The following TBC1D16 variants were observed in gnomAD, a reference collection of about 807,000 sequenced individuals.
TBC1D16 encodes CTD-2529O21.1.
TBC1D16 carries 58 observed loss-of-function variants against 74.7 expected under a neutral mutation model. That is an observed-to-expected ratio of 0.78 (90% CI 0.63 to 0.97). TBC1D16 has a LOEUF of 0.97. Ranked by LOEUF, TBC1D16 falls within the 50% of genes least tolerant of loss-of-function variation. TBC1D16 has a pLI of 0.00. For missense variants in TBC1D16, 1,014 were observed against 1,079.5 expected, an observed-to-expected ratio of 0.94 and a Z score of 0.85; for synonymous variants, 493 against 474.7, an observed-to-expected ratio of 1.04 and a Z score of -0.50.
chr17:79,985,567 C>T lies in TBC1D16; in HGVS notation c.779+24593G>A, dbSNP rs898828776. On this transcript the variant is annotated intron_variant, in intron 3 of 11. Transcript: ENST00000310924. The surrounding 1 kb of genome is among the most constrained non-coding windows in gnomAD (Gnocchi z 4.9). ...TCAGCGGGCACTGGCCTGGCACTCACGCTCGGGGTGGGGGGCATCCCAGGC... is the reference window on the plus strand; with the variant it reads ...TCAGCGGGCACTGGCCTGGCACTCATGCTCGGGGTGGGGGGCATCCCAGGC... 6.6e-5 allele frequency among the ~76,000 whole-genome samples: 10 copies of T among 152,338 alleles called. 1 individual carries two copies. The highest frequency in any genetic ancestry group is 2.2e-4 in the African/African-American group (9 of 41,580).
At chr17:79,948,593 A>C (rs59182344) in intron 8 of TBC1D16, among the ~76,000 whole-genome samples, 5,922 of 152,180 alleles carry the variant, frequency 0.039, 324 homozygotes, top group African/African-American at 0.13. Context: ...AAGCTGGTCC[A>C]TGGTTAGTGT....
chr17:79,937,981 A>G lies in TBC1D16; in HGVS notation c.*2878T>C, dbSNP rs57314850. Reference sequence around the variant, plus strand: ...ATAACATTAAGTGTCATTTTAAAAAATGGGTTAAATAAGCAGCATTGCTGA... The same window carrying G: ...ATAACATTAAGTGTCATTTTAAAAAGTGGGTTAAATAAGCAGCATTGCTGA... On this transcript the variant is annotated 3_prime_UTR_variant, in exon 12 of 12. Coordinates refer to ENST00000310924, the MANE Select transcript of TBC1D16 (RefSeq NM_019020.4). The G allele has an allele frequency of 5.3e-5, 8 of 152,270 alleles. No individual in the cohort carries two copies. The highest frequency in any genetic ancestry group is 1.7e-4 in the African/African-American group (7 of 41,476). 9.4% of individuals were successfully genotyped at this position (152,270 alleles called of 1,614,324 possible). A position where few individuals can be genotyped will look rare whatever the true frequency, so the allele number is the denominator to read the frequency against.
intron 1 of TBC1D16, among the ~76,000 whole-genome samples, chr17:80,016,378 T>C (rs1469132955): frequency 6.6e-6 from 1 of 152,176 alleles, no homozygotes; most frequent in Non-Finnish European, 1.5e-5. Flanking sequence ...TCAATGCCGC[T>C]GAACCTGATA....
chr17:80,010,318 C>T lies in TBC1D16; in HGVS notation c.621G>A (p.Gly207=). ...EEGREPRPEA[G]EEDGSLELSA... is the part of the protein sequence containing the mutation. ...ACAGTTCCAAAGAGCCATCCTCCTC[C>T]CCGGCCTCGGGCCGCGGCTCCCGCC... Residue 207 remains glycine (G), a synonymous_variant, in exon 3 of 12, where the codon GGG becomes GGA. Transcript: ENST00000310924. The surrounding 1 kb of genome is among the most constrained non-coding windows in gnomAD (Gnocchi z 8.8). The T allele has an allele frequency of 2.5e-6, 4 of 1,611,714 alleles. No homozygotes were observed. Among genetic ancestry groups the T allele is most frequent in the Non-Finnish European group, 3.4e-6 (4 of 1,179,134 alleles).
At chr17:79,953,343 AC>A (rs148795711) in intron 3 of TBC1D16, among the ~76,000 whole-genome samples, 211 of 152,364 alleles carry the variant, frequency 1.4e-3, no homozygotes, top group Admixed American at 9.6e-3. Context: ...TGGTTAGGAA[AC>A]ATTTGGGTTC....
At position 79,948,857 on chromosome 17, in the gene TBC1D16, C is replaced by CT; in HGVS notation, c.1541+14dup. The CT allele has an allele frequency of 2.5e-6, 4 of 1,613,918 alleles. No homozygotes were observed. Among genetic ancestry groups the CT allele is most frequent in the Non-Finnish European group, 2.5e-6 (3 of 1,179,866 alleles). On this transcript the variant is annotated intron_variant, in intron 8 of 11. Coordinates refer to ENST00000310924, the MANE Select transcript of TBC1D16 (RefSeq NM_019020.4). Reference sequence around the variant, plus strand: ...GACTTGCAGATGGGAAAGGAGCTGGCTGGGGAGGGAGTACCTCATGCTCTC... The same window carrying CT: ...GACTTGCAGATGGGAAAGGAGCTGGCTTGGGGAGGGAGTACCTCATGCTCTC...
Position 79,961,440 on chromosome 17 carries a change from A to C in TBC1D16, c.780-8622T>G, listed in dbSNP as rs944891491. The stretch of plus-strand genomic sequence containing the variant: ...ACCACTTTAGGAAAGCAGTTCAGTA[A>C]TTTCTTAAAAATTAAACACATGCCT... On this transcript the variant is annotated intron_variant, in intron 3 of 11. Coordinates refer to ENST00000310924, the MANE Select transcript of TBC1D16 (RefSeq NM_019020.4). This position sits in a 1 kb window ranked among gnomAD's most constrained non-coding sequence, Gnocchi z 4.8. Among the ~76,000 whole-genome samples, 6 of 152,256 alleles carry C rather than the reference A, an allele frequency of 3.9e-5. No homozygotes were observed. The highest frequency in any genetic ancestry group is 7.3e-5 in the Non-Finnish European group (5 of 68,050).
rs944701912 is a variant in TBC1D16 at position 79,990,847 on chromosome 17, C to T, written c.779+19313G>A. Among the ~76,000 whole-genome samples the T allele has an allele frequency of 6.6e-6, 1 of 152,186 alleles. No homozygotes were observed. Among genetic ancestry groups the T allele is most frequent in the Non-Finnish European group, 1.5e-5 (1 of 68,038 alleles). On this transcript the variant is annotated intron_variant, in intron 3 of 11. Transcript: ENST00000310924. This position sits in a 1 kb window ranked among gnomAD's most constrained non-coding sequence, Gnocchi z 4.8. Reference sequence around the variant, plus strand: ...ACAAGTGGAATCACACAGATTTGGCCCCTTATGTCTGGCTCATTTCACTCG... The same window carrying T: ...ACAAGTGGAATCACACAGATTTGGCTCCTTATGTCTGGCTCATTTCACTCG...
intron 3 of TBC1D16, among the ~76,000 whole-genome samples, chr17:79,972,333 C>T (rs930360645): frequency 6.6e-6 from 1 of 152,128 alleles, no homozygotes; most frequent in Middle Eastern, 3.2e-3. Context: ...TGTACTACCA[C>T]ACCTGGCTAA....
rs757540371 is a variant in TBC1D16, at chr17:79,941,135, G to A, written c.2056-28C>T. On this transcript the variant is annotated intron_variant, in intron 11 of 11. Transcript: ENST00000310924. The surrounding 1 kb of genome is among the most constrained non-coding windows in gnomAD (Gnocchi z 4.3). Reference sequence around the variant, plus strand: ...GCAGACAGAGGACGGGGGGTGAGGAGGGGCCGGGGGACAGCCTGGCAGCCT... The same window carrying A: ...GCAGACAGAGGACGGGGGGTGAGGAAGGGCCGGGGGACAGCCTGGCAGCCT... 6.5e-6 allele frequency: 10 copies of A among 1,532,320 alleles called. No homozygotes were observed. Among genetic ancestry groups the A allele is most frequent in the Non-Finnish European group, 8.8e-6 (10 of 1,130,550 alleles). The allele number at this position is 1,532,320 out of a possible 1,614,324, so 94.9% of individuals were successfully genotyped here.
At chr17:79,977,497 T>G (rs577792120) in intron 3 of TBC1D16, among the ~76,000 whole-genome samples, 2 of 152,258 alleles carry the variant, frequency 1.3e-5, no homozygotes, top group African/African-American at 2.4e-5. Flanking sequence ...CAGCCATCTC[T>G]GCAACCCTTG....
chr17:80,023,989 C>CGAGGTTGGAGGACCA, intron 1 of TBC1D16: 1 of 150,304 alleles, frequency 6.7e-6, no homozygotes, highest in East Asian at 1.9e-4. Flanking sequence ...CCCTCCAGGA[C>CGAGGTTGGAGGACCA]GAGGTTGGAG....
rs1044897815 is a variant in TBC1D16 at position 79,972,061 on chromosome 17, T to C, written c.780-19243A>G. Among the ~76,000 whole-genome samples the C allele has an allele frequency of 5.3e-5, 8 of 152,160 alleles. 1 individual carries two copies. Among genetic ancestry groups the C allele is most frequent in the Non-Finnish European group, 8.8e-5 (6 of 68,020 alleles). On this transcript the variant is annotated intron_variant, in intron 3 of 11. Transcript: ENST00000310924. The stretch of plus-strand genomic sequence containing the variant: ...GTACCCCGTGTTCACAGCAGCATCA[T>C]TCATGATGGCCAGAGGCTGAAGCAG...
intron 3 of TBC1D16, among the ~76,000 whole-genome samples, chr17:79,965,283 T>C (rs765672242): frequency 6.6e-6 from 1 of 152,106 alleles, no homozygotes; most frequent in African/African-American, 2.4e-5. Context: ...GGTTTCACCA[T>C]GTTGGCCAGG....
At chr17:79,949,209 TCA>T (rs1179425752) in intron 7 of TBC1D16, among the ~76,000 whole-genome samples, 3 of 152,242 alleles carry the variant, frequency 2.0e-5, no homozygotes, top group African/African-American at 7.2e-5. Flanking sequence ...TAACTCAGCC[TCA>T]CAGTCTCCAG....
At chr17:80,023,962 G>C (rs2036385749) in intron 1 of TBC1D16, 1 of 150,406 alleles carries the variant, frequency 6.6e-6, no homozygotes, top group East Asian at 1.9e-4. Flanking sequence ...GAGCTCCGGC[G>C]GACAGGGCTC....
Position 79,948,185 on chromosome 17 carries a change from C to T in TBC1D16, c.1542-354G>A, listed in dbSNP as rs369266243. On this transcript the variant is annotated intron_variant, in intron 8 of 11. Transcript: ENST00000310924. Reference sequence around the variant, plus strand: ...ACTTAGCCGGGCATGGTGGGGTGCACGCCTGTAATCTCAGCTACTTGGGAG... The same window carrying T: ...ACTTAGCCGGGCATGGTGGGGTGCATGCCTGTAATCTCAGCTACTTGGGAG... Among the ~76,000 whole-genome samples, 19 of 152,094 alleles carry T rather than the reference C, an allele frequency of 1.2e-4. 1 individual carries two copies. The East Asian group carries it at 1.5e-3, about 12-fold the overall frequency.
chr17:79,951,705 A>G, intron 4 of TBC1D16, 108 bp from the exon 5 acceptor site: 2 of 1,325,320 alleles, frequency 1.5e-6, no homozygotes, highest in Non-Finnish European at 2.1e-6. Context: ...CAGAAGCAGG[A>G]AACAGTGAGT....
Position 80,000,006 on chromosome 17 carries a change from T to G in TBC1D16, c.779+10154A>C, listed in dbSNP as rs1299296716. ...GCTGGGCCATGAGGAGCAACTGACA[T>G]GACAGAAACAAGGAGTTTCTCAGGG... On this transcript the variant is annotated intron_variant, in intron 3 of 11. Coordinates refer to ENST00000310924, the MANE Select transcript of TBC1D16 (RefSeq NM_019020.4). This position sits in a 1 kb window ranked among gnomAD's most constrained non-coding sequence, Gnocchi z 4.1. 6.6e-6 allele frequency among the ~76,000 whole-genome samples: 1 copy of G among 152,110 alleles called. No individual in the cohort carries two copies. Among genetic ancestry groups the G allele is most frequent in the Non-Finnish European group, 1.5e-5 (1 of 68,010 alleles).
Sources: allele counts gnomAD v4.1 joint callset (sites outside exome capture counted in the v4.1 genomes callset), GRCh38; gene constraint gnomAD v4.1.1; non-coding constraint Gnocchi (gnomAD v3.1); transcripts MANE v1.5; gene names NCBI Gene and HGNC (gene_info 2026-07-23, HGNC 2026-07-21).